The following CAP2 variants were observed in gnomAD, a reference collection of about 807,000 sequenced individuals.
CAP2 encodes cyclase associated actin cytoskeleton regulatory protein 2.
A neutral mutation model predicts 57.7 loss-of-function variants in CAP2; 24 were observed. The ratio of observed to expected loss-of-function variants is 0.42; its 90% CI spans 0.30 to 0.58. The LOEUF (loss-of-function observed/expected upper bound fraction) is 0.58. Ranked by LOEUF, CAP2 falls within the 20% of genes least tolerant of loss-of-function variation. The pLI, the probability that CAP2 is intolerant of heterozygous loss-of-function variation, is 0.22. For synonymous variants in CAP2, 194 were observed against 207.2 expected (o/e 0.94, Z 0.55); for missense variants, 501 against 590.3 (o/e 0.85, Z 1.57).
intron 4 of CAP2, among the ~76,000 whole-genome samples, chr6:17,468,604 TC>T (rs1760933600): frequency 6.6e-6 from 1 of 152,164 alleles, no homozygotes; most frequent in Non-Finnish European, 1.5e-5. Flanking sequence ...TTTTCTTGTC[TC>T]CCCTTGTTGT....
chr6:17,444,556 G>T (rs934147889), intron 3 of CAP2, among the ~76,000 whole-genome samples: 1 of 148,744 alleles, frequency 6.7e-6, no homozygotes, highest in African/African-American at 2.5e-5. Context: ...CAGGAGAATC[G>T]CTTGATTCCG....
intron 7 of CAP2, among the ~76,000 whole-genome samples, chr6:17,517,115 TAAA>T (rs1285795173): frequency 6.6e-6 from 1 of 152,210 alleles, no homozygotes; most frequent in African/African-American, 2.4e-5. Flanking sequence ...CCATGTATCA[TAAA>T]GAGAAAGTGT....
intron 7 of CAP2, among the ~76,000 whole-genome samples, chr6:17,521,814 G>A (rs561422988): frequency 6.6e-6 from 1 of 152,154 alleles, no homozygotes; most frequent in Non-Finnish European, 1.5e-5. Flanking sequence ...TTGTTAGAAA[G>A]CTCAGGCCCC....
At chr6:17,536,478 T>C (rs1384304358) in intron 7 of CAP2, 2 of 296,858 alleles carry the variant, frequency 6.7e-6, no homozygotes, top group Admixed American at 4.6e-5. Flanking sequence ...TGGTCCTGAG[T>C]TCCCTTATTT....
chr6:17,432,740 C>T (rs1759770419), intron 3 of CAP2, among the ~76,000 whole-genome samples: 1 of 141,050 alleles, frequency 7.1e-6, no homozygotes, highest in South Asian at 2.3e-4. Context: ...TGCTTTTCTT[C>T]TTTTTCTTGC....
At chr6:17,436,090 C>CTTTCTTTCTTTCTTTCTTTCT (rs1561782691) in intron 3 of CAP2, among the ~76,000 whole-genome samples, 85 of 63,830 alleles carry the variant, frequency 1.3e-3, no homozygotes, top group African/African-American at 2.8e-3. Context: ...TCTTTCTTTC[C>CTTTCTTTCTTTCTTTCTTTCT]TTCCTTCCTT....
At chr6:17,465,973 T>G (rs1417273175) in intron 4 of CAP2, among the ~76,000 whole-genome samples, 1 of 152,146 alleles carries the variant, frequency 6.6e-6, no homozygotes, top group Non-Finnish European at 1.5e-5. Context: ...GATTCCTTAG[T>G]TGCAGACTCT....
At chr6:17,537,957 C>T (rs1041519391) in intron 7 of CAP2, among the ~76,000 whole-genome samples, 1 of 152,064 alleles carries the variant, frequency 6.6e-6, no homozygotes, top group African/African-American at 2.4e-5. Flanking sequence ...ATCCCAGCTA[C>T]TCAACAGGCT....
intron 4 of CAP2, among the ~76,000 whole-genome samples, chr6:17,491,782 CTAA>C: frequency 6.6e-6 from 1 of 152,318 alleles, no homozygotes; most frequent in African/African-American, 2.4e-5. Flanking sequence ...GATAATAATG[CTAA>C]TGTTTCCACC....
At chr6:17,512,721 A>G (rs954581366) in intron 6 of CAP2, among the ~76,000 whole-genome samples, 5 of 152,230 alleles carry the variant, frequency 3.3e-5, no homozygotes, top group African/African-American at 4.8e-5. Context: ...TGATGAATAT[A>G]TCAGTACATC....
intron 3 of CAP2, among the ~76,000 whole-genome samples, chr6:17,451,847 T>C (rs1344897486): frequency 6.9e-6 from 1 of 145,502 alleles, no homozygotes; most frequent in Admixed American, 6.6e-5. Context: ...GTGTAATAAG[T>C]TTCTGTTTCA....
intron 3 of CAP2, among the ~76,000 whole-genome samples, chr6:17,460,936 A>G (rs1028633509): frequency 7.9e-5 from 12 of 152,134 alleles, no homozygotes; most frequent in Non-Finnish European, 1.3e-4. Context: ...TCGCTTGAGC[A>G]CAAGAGTTTG....
rs1762889294 is a variant in CAP2 at position 17,541,136 on chromosome 6, G to T, written c.990G>T (p.Lys330Asn). 1 of 1,612,614 alleles carries T rather than the reference G, an allele frequency of 6.2e-7. No individual in the cohort carries two copies. Among genetic ancestry groups the T allele is most frequent in the Admixed American group, 1.7e-5 (1 of 59,858 alleles). The change falls in exon 9 of 13, where the codon AAG becomes AAT. Residue 330 changes from lysine to asparagine, a missense_variant. Transcript: ENST00000229922. ...CCCCAGTGTTGGAGTTGGAAGGAAA[G>T]AAATGGAGAGTGGTAAGTGAAGCAT... is the stretch of plus-strand genomic sequence containing the variant. ...KHAPVLELEG[K>N]KWRVEYQEDR... is the part of the protein sequence containing the mutation.
chr6:17,461,008 G>A (rs1288965800), intron 3 of CAP2, among the ~76,000 whole-genome samples: 1 of 152,136 alleles, frequency 6.6e-6, no homozygotes, highest in Non-Finnish European at 1.5e-5. Flanking sequence ...AGTTAGCCGA[G>A]TGTGGTGGTG....
intron 3 of CAP2, among the ~76,000 whole-genome samples, chr6:17,453,615 A>G (rs943946490): frequency 6.6e-6 from 1 of 152,202 alleles, no homozygotes; most frequent in African/African-American, 2.4e-5. Context: ...CAGAGGATAC[A>G]GAAGAAGGGA....
At chr6:17,477,129 C>T (rs1454486808) in intron 4 of CAP2, among the ~76,000 whole-genome samples, 2 of 152,200 alleles carry the variant, frequency 1.3e-5, no homozygotes, top group Non-Finnish European at 2.9e-5. Context: ...GCCTTTCGGC[C>T]TCCCAAAGTG....
chr6:17,426,096 A>G (rs1759582055), intron 2 of CAP2, among the ~76,000 whole-genome samples: 1 of 151,652 alleles, frequency 6.6e-6, no homozygotes, highest in South Asian at 2.1e-4. Flanking sequence ...CTGTCTCAAA[A>G]AACAAACAAA....
At chr6:17,414,775 T>C (rs1442116973) in intron 1 of CAP2, among the ~76,000 whole-genome samples, 1 of 152,226 alleles carries the variant, frequency 6.6e-6, no homozygotes, top group Non-Finnish European at 1.5e-5. Flanking sequence ...TACCCAGTAA[T>C]GGGATTGCTG....
intron 2 of CAP2, among the ~76,000 whole-genome samples, chr6:17,424,362 T>C (rs1046823893): frequency 2.0e-4 from 30 of 152,262 alleles, no homozygotes; most frequent in Middle Eastern, 3.4e-3. Flanking sequence ...ATCGCGCCAC[T>C]GCACTCCAGC....
Sources: gnomAD v4.1 joint callset for allele counts (sites outside exome capture counted in the v4.1 genomes callset) on GRCh38, gnomAD v4.1.1 for gene constraint, MANE v1.5 for transcripts, NCBI Gene and HGNC (gene_info 2026-07-23, HGNC 2026-07-21) for gene names.